The following ZNF334 variants were observed in gnomAD, a reference collection of about 807,000 sequenced individuals.
ZNF334 encodes the protein zinc finger protein 334.
ZNF334 carries 14 observed loss-of-function variants against 12.4 expected under a neutral mutation model. The observed-to-expected ratio is 1.13, with a 90% CI of 0.74 to 1.76. ZNF334 has a LOEUF of 1.76. Among genes scored for constraint, ZNF334 ranks in the 40% most tolerant of loss-of-function variants. The probability of loss-of-function intolerance (pLI) is 0.00; values close to 1 mark genes in which losing one functional copy is unlikely to be tolerated. For missense variants in ZNF334, 797 were observed against 804.5 expected (o/e 0.99, Z 0.11); for synonymous variants, 273 against 269.6 (o/e 1.01, Z -0.12).
At chr20:46,475,301 A>G in the ZNF334 span, among the ~76,000 whole-genome samples, 1 of 152,220 alleles carries the variant, frequency 6.6e-6, no homozygotes, top group Non-Finnish European at 1.5e-5. Context: ...CAAATTTTAT[A>G]CAAAAACGAA....
the ZNF334 span, among the ~76,000 whole-genome samples, chr20:46,483,186 C>T: frequency 5.3e-5 from 8 of 152,134 alleles, no homozygotes; most frequent in Non-Finnish European, 1.2e-4. Context: ...TAATATAATG[C>T]GCATTTAATT....
the ZNF334 span, among the ~76,000 whole-genome samples, chr20:46,493,506 G>A: frequency 2.6e-5 from 4 of 152,280 alleles, no homozygotes; most frequent in Admixed American, 6.5e-5. Context: ...CTAAATGGTC[G>A]GGCGCAGTGG....
At chr20:46,474,570 T>C in the ZNF334 span, 1 of 152,204 alleles carries the variant, frequency 6.6e-6, no homozygotes, top group Non-Finnish European at 1.5e-5. Context: ...CAGATCATGC[T>C]GATCCAAATC....
the ZNF334 span, chr20:46,485,430 G>GTTT: frequency 7.0e-5 from 10 of 142,366 alleles, no homozygotes; most frequent in South Asian, 4.6e-4. Flanking sequence ...GTCACAGAAG[G>GTTT]TTTTTTTTGT....
chr20:46,465,641 C>T, the ZNF334 span, among the ~76,000 whole-genome samples: 3 of 152,138 alleles, frequency 2.0e-5, no homozygotes, highest in South Asian at 2.1e-4. Flanking sequence ...AGGAGGATCA[C>T]GTGAGTCTGA....
Position 46,504,628 on chromosome 20 carries a change from T to C in ZNF334, c.134A>G (p.Asn45Ser), listed in dbSNP as rs751651737. 3.1e-6 allele frequency: 5 copies of C among 1,603,032 alleles called. No individual in the cohort carries two copies. In the South Asian group the frequency reaches 3.4e-5, roughly 11 times the overall value. The stretch of plus-strand genomic sequence containing the variant: ...ATAGTCCTTACCCACAGAGACCAAG[T>C]TGCTGTAGTTCTCCAGCATCACATC... ...YRDVMLENYS[N>S]LVSVGYHVSK... Residue 45 changes from asparagine to serine, a missense_variant, in exon 3 of 5, where the codon AAC (asparagine) becomes AGC (serine). Transcript: ENST00000692313.
intron 2 of ZNF334, chr20:46,506,327 TG>T (rs1432649969): frequency 3.1e-6 from 2 of 650,460 alleles, no homozygotes; most frequent in Non-Finnish European, 5.6e-6. Flanking sequence ...AGAAAGGAGA[TG>T]TAAGAAAACA....
At chr20:46,487,168 GTTGT>G in the ZNF334 span, among the ~76,000 whole-genome samples, 9 of 151,788 alleles carry the variant, frequency 5.9e-5, no homozygotes, top group African/African-American at 1.9e-4. Flanking sequence ...TCTTTTTGTT[GTTGT>G]TTAAGAAGCC....
the ZNF334 span, among the ~76,000 whole-genome samples, chr20:46,466,791 T>C: frequency 6.6e-6 from 1 of 152,158 alleles, no homozygotes; most frequent in East Asian, 1.9e-4. Context: ...GCCAAAAATG[T>C]AAATGTTTAA....
At chr20:46,492,667 T>C in the ZNF334 span, 1 of 152,226 alleles carries the variant, frequency 6.6e-6, no homozygotes, top group Non-Finnish European at 1.5e-5. Context: ...AGAAGGATAT[T>C]TAGAGATGAC....
the ZNF334 span, among the ~76,000 whole-genome samples, chr20:46,484,819 G>A: frequency 6.6e-6 from 1 of 152,114 alleles, no homozygotes; most frequent in Non-Finnish European, 1.5e-5. Flanking sequence ...ATAGTCTGAG[G>A]CTGTCATATG....
At chr20:46,511,436 G>T (rs1263417750) in intron 2 of ZNF334, among the ~76,000 whole-genome samples, 1 of 152,176 alleles carries the variant, frequency 6.6e-6, no homozygotes, top group South Asian at 2.1e-4. Flanking sequence ...AGATCCATCA[G>T]AGTGGTGGGG....
the ZNF334 span, chr20:46,485,718 C>T: frequency 2.0e-5 from 3 of 152,014 alleles, no homozygotes; most frequent in African/African-American, 7.2e-5. Context: ...GAATTTCGGT[C>T]TGGAGTATCA....
the ZNF334 span, among the ~76,000 whole-genome samples, chr20:46,482,578 T>C: frequency 1.3e-5 from 2 of 152,206 alleles, no homozygotes; most frequent in Non-Finnish European, 2.9e-5. Context: ...AATAATTTTT[T>C]AAAGACCTTT....
chr20:46,510,468 G>GT, intron 2 of ZNF334, among the ~76,000 whole-genome samples: 1 of 152,318 alleles, frequency 6.6e-6, no homozygotes, highest in South Asian at 2.1e-4. Flanking sequence ...GCTCACGCCT[G>GT]TAATCCCAGC....
chr20:46,506,307 CT>C, intron 2 of ZNF334: 1 of 648,908 alleles, frequency 1.5e-6, no homozygotes, highest in Non-Finnish European at 2.8e-6. Flanking sequence ...AATATATTAC[CT>C]TTTATGTAAG....
At chr20:46,493,059 GC>G in the ZNF334 span, 1 of 150,366 alleles carries the variant, frequency 6.7e-6, no homozygotes, top group South Asian at 2.1e-4. Context: ...TTGCACTCCA[GC>G]CTGGGTGACA....
At chr20:46,493,854 C>T in the ZNF334 span, among the ~76,000 whole-genome samples, 1 of 152,096 alleles carries the variant, frequency 6.6e-6, no homozygotes, top group Admixed American at 6.5e-5. Context: ...CACTTGAACC[C>T]AGGAGGCAGA....
chr20:46,488,424 TATATA>T, the ZNF334 span, among the ~76,000 whole-genome samples: 9 of 122,914 alleles, frequency 7.3e-5, no homozygotes, highest in African/African-American at 2.7e-4. Context: ...TTATTTTATA[TATATA>T]TATATATATA....
Sources: allele counts gnomAD v4.1 joint callset (sites outside exome capture counted in the v4.1 genomes callset), GRCh38; gene constraint gnomAD v4.1.1; transcripts MANE v1.5; gene names NCBI Gene and HGNC (gene_info 2026-07-23, HGNC 2026-07-21).